Variants in SYNPO observed in about 807,000 individuals in gnomAD.
SYNPO encodes synaptopodin.
In SYNPO, 19 loss-of-function variants were observed where a neutral mutation model predicts 49.5. That is an observed-to-expected ratio of 0.38 (90% CI 0.27 to 0.56). The LOEUF is 0.56. Ranked by LOEUF, SYNPO falls within the 20% of genes least tolerant of loss-of-function variation. The probability of loss-of-function intolerance (pLI) is 0.68; values close to 1 mark genes in which losing one functional copy is unlikely to be tolerated. For synonymous variants in SYNPO, 536 were observed against 548.0 expected, an observed-to-expected ratio of 0.98 and a Z score of 0.31; for missense variants, 1,131 against 1,248.3, an observed-to-expected ratio of 0.91 and a Z score of 1.42.
At chr5:150,595,122 C>T in the SYNPO span, among the ~76,000 whole-genome samples, 4 of 152,156 alleles carry the variant, frequency 2.6e-5, no homozygotes, top group African/African-American at 9.7e-5. Flanking sequence ...CTGAGGCGGA[C>T]CCTCTTCTGA....
At position 150,649,935 on chromosome 5, in the gene SYNPO, G is replaced by T; in HGVS notation, c.1660G>T (p.Val554Phe). 1.2e-6 allele frequency: 2 copies of T among 1,612,394 alleles called. No homozygotes were observed. Among genetic ancestry groups the T allele is most frequent in the Non-Finnish European group, 8.5e-7 (1 of 1,179,984 alleles). Reference protein sequence around the residue: ...LYHGYLPENGVLRPEPTKQPP... With the variant: ...LYHGYLPENGFLRPEPTKQPP... ...CCATGGCTACCTGCCTGAGAACGGG[G>T]TCCTGCGCCCAGAGCCCACCAAGCA... The change falls in exon 2 of 3, where the codon GTC becomes TTC. Residue 554 changes from valine (V) to phenylalanine (F), a missense_variant. By Grantham distance (50) the Val-to-Phe change is conservative. Coordinates refer to ENST00000307662, the MANE Select transcript of SYNPO (RefSeq NM_007286.6).
chr5:150,601,657 G>A (rs183995422), intron 1 of SYNPO, among the ~76,000 whole-genome samples: 1 of 152,302 alleles, frequency 6.6e-6, no homozygotes, highest in East Asian at 1.9e-4. Context: ...GTGGCCTCCT[G>A]TGGCCTAAGT....
chr5:150,618,262 G>A, exon 2 of SYNPO: 1 of 1,338,330 alleles, frequency 7.5e-7, no homozygotes, highest in Non-Finnish European at 1.0e-6. Context: ...AGTCAGAGGA[G>A]GCTGTGTAAG....
chr5:150,615,603 G>T (rs1756963846), intron 1 of SYNPO, among the ~76,000 whole-genome samples: 1 of 152,242 alleles, frequency 6.6e-6, no homozygotes, highest in Non-Finnish European at 1.5e-5. Flanking sequence ...TGACTACAGA[G>T]TGCGAAAAGC....
At chr5:150,594,898 G>A in the SYNPO span, among the ~76,000 whole-genome samples, 2 of 152,174 alleles carry the variant, frequency 1.3e-5, no homozygotes, top group Non-Finnish European at 2.9e-5. Flanking sequence ...AGTTTGCAAG[G>A]GGCTTCAGTG....
chr5:150,587,661 G>C, the SYNPO span, among the ~76,000 whole-genome samples: 1 of 152,154 alleles, frequency 6.6e-6, no homozygotes, highest in Non-Finnish European at 1.5e-5. Context: ...TAATTAGAAG[G>C]GACAATTAAG....
intron 2 of SYNPO, among the ~76,000 whole-genome samples, chr5:150,628,067 G>GTGTGTGTGTGTGTGTGTGTGT (rs1561643388): frequency 9.7e-4 from 123 of 126,778 alleles, no homozygotes; most frequent in African/African-American, 3.5e-3. Flanking sequence ...TGTGTGTGTG[G>GTGTGTGTGTGTGTGTGTGTGT]TCAGAGTCTT....
chr5:150,593,401 A>G, the SYNPO span, among the ~76,000 whole-genome samples: 3 of 152,194 alleles, frequency 2.0e-5, no homozygotes, highest in Non-Finnish European at 4.4e-5. Flanking sequence ...GCTTCAGGCA[A>G]CACTCCTTTC....
At chr5:150,602,997 G>GGGGTGTGTGTGTGTGTGTGT (rs1554106602) in intron 1 of SYNPO, among the ~76,000 whole-genome samples, 1 of 131,184 alleles carries the variant, frequency 7.6e-6, no homozygotes, top group Admixed American at 7.6e-5. Flanking sequence ...GCCACCTTAG[G>GGGGTGTGTGTGTGTGTGTGT]GTGTGTGTGT....
intron 1 of SYNPO, chr5:150,617,809 G>A (rs949279696): frequency 6.6e-6 from 1 of 152,230 alleles, no homozygotes; most frequent in Admixed American, 6.5e-5. Context: ...ATATACTTGT[G>A]GTTTCTCTGC....
At chr5:150,635,626 G>A (rs1479611019) in intron 2 of SYNPO, among the ~76,000 whole-genome samples, 3 of 152,126 alleles carry the variant, frequency 2.0e-5, no homozygotes, top group Admixed American at 2.0e-4. Context: ...GCGCTACTAT[G>A]CCTGGCAAAT....
chr5:150,597,160 C>T (rs1047091914), upstream of SYNPO, among the ~76,000 whole-genome samples: 1 of 152,158 alleles, frequency 6.6e-6, no homozygotes, highest in Admixed American at 6.5e-5. Flanking sequence ...TTTAACGCCT[C>T]TTACTCTGAG....
chr5:150,602,415 G>C (rs1277354131), intron 1 of SYNPO, among the ~76,000 whole-genome samples: 1 of 152,198 alleles, frequency 6.6e-6, no homozygotes, highest in African/African-American at 2.4e-5. Flanking sequence ...AATTTTCATT[G>C]TAACAAGGAG....
At chr5:150,595,071 T>C in the SYNPO span, among the ~76,000 whole-genome samples, 1 of 152,098 alleles carries the variant, frequency 6.6e-6, no homozygotes, top group Non-Finnish European at 1.5e-5. Context: ...GCCTAAAAAA[T>C]TGGAAGACCC....
At chr5:150,626,506 A>G (rs1248153822) in intron 2 of SYNPO, among the ~76,000 whole-genome samples, 3 of 152,194 alleles carry the variant, frequency 2.0e-5, no homozygotes, top group African/African-American at 7.2e-5. Context: ...TTTGCAAGCC[A>G]TGGGCCGGCT....
chr5:150,594,402 A>C, the SYNPO span, among the ~76,000 whole-genome samples: 1 of 152,242 alleles, frequency 6.6e-6, no homozygotes, highest in African/African-American at 2.4e-5. Context: ...CAGAGGGGTC[A>C]GAGCAAATCC....
At chr5:150,600,891 T>C (rs1756508910), upstream of SYNPO, among the ~76,000 whole-genome samples, 1 of 152,176 alleles carries the variant, frequency 6.6e-6, no homozygotes, top group African/African-American at 2.4e-5. Flanking sequence ...CTGTATTTAT[T>C]CATCCTTTAG....
upstream of SYNPO, among the ~76,000 whole-genome samples, chr5:150,638,399 T>C (rs1321252422): frequency 2.0e-5 from 3 of 152,242 alleles, no homozygotes; most frequent in Admixed American, 6.5e-5. Context: ...ACCCTCTAGA[T>C]CTTTGATCTA....
chr5:150,602,921 TC>T (rs1296027440), intron 1 of SYNPO, among the ~76,000 whole-genome samples: 6 of 151,976 alleles, frequency 3.9e-5, no homozygotes, highest in Non-Finnish European at 8.8e-5. Flanking sequence ...ATGTAGGCCA[TC>T]TTTTGGCCCC....
Sources: allele counts gnomAD v4.1 joint callset (sites outside exome capture counted in the v4.1 genomes callset), GRCh38; gene constraint gnomAD v4.1.1; transcripts MANE v1.5; gene names NCBI Gene and HGNC (gene_info 2026-07-23, HGNC 2026-07-21).